Variants in STEAP3 observed in about 807,000 individuals in gnomAD.
STEAP3 encodes metalloreductase STEAP3.
In STEAP3, 35 loss-of-function variants were observed where a neutral mutation model predicts 34.9. The ratio of observed to expected loss-of-function variants is 1.00; its 90% CI spans 0.76 to 1.33. The LOEUF (loss-of-function observed/expected upper bound fraction) is 1.33, where lower values mean the gene tolerates loss of function less well. Ranked by LOEUF, STEAP3 falls within the 40% of genes most tolerant of loss-of-function variation. The pLI is 0.00. For synonymous variants in STEAP3, 281 were observed against 301.6 expected, an observed-to-expected ratio of 0.93 and a Z score of 0.71; for missense variants, 652 against 667.6, an observed-to-expected ratio of 0.98 and a Z score of 0.26.
In STEAP3 at chr2:119,263,242, A is replaced by T. The variant is rs377489086; in HGVS notation, c.1401A>T (p.Arg467Ser). The stretch of plus-strand genomic sequence containing the variant: ...TTCTCCTGCCCTGCATCAGCCGCAG[A>T]CTCGCCAGGATCCGGAGAGGCTGGG... ...ALFLLPCISR[R>S]LARIRRGWER... Residue 467 changes from arginine to serine, a missense_variant, in exon 6 of 6, where the codon AGA (arginine) becomes AGT (serine). Transcript: ENST00000393110. 25 of 1,614,018 alleles carry T rather than the reference A, an allele frequency of 1.5e-5. 1 individual carries two copies. The African/African-American group carries it at 2.4e-4, about 15-fold the overall frequency.
intron 5 of STEAP3, among the ~76,000 whole-genome samples, chr2:119,256,045 T>G (rs1283459318): frequency 6.6e-6 from 1 of 152,234 alleles, no homozygotes; most frequent in Non-Finnish European, 1.5e-5. Context: ...AGCTGACTAA[T>G]GCTGTATCCT....
intron 2 of STEAP3, among the ~76,000 whole-genome samples, chr2:119,236,450 TA>T (rs946576600): frequency 2.6e-5 from 4 of 152,186 alleles, no homozygotes; most frequent in African/African-American, 9.6e-5. Flanking sequence ...TGCAGTTTAC[TA>T]AGGTGACTGA....
At chr2:119,248,231 C>G in intron 4 of STEAP3, 25 bp downstream of exon 4, 3 of 1,547,782 alleles carry the variant, frequency 1.9e-6, no homozygotes, top group Non-Finnish European at 1.7e-6. Flanking sequence ...CCCTTCCTCC[C>G]TCTGGCAACT....
intron 3 of STEAP3, 199 bp downstream of exon 3, chr2:119,246,187 A>C: frequency 1.3e-6 from 1 of 747,064 alleles, no homozygotes; most frequent in Non-Finnish European, 2.1e-6. Context: ...GTAAGTTGGG[A>C]TTTGAACCCA....
At chr2:119,243,760 C>A (rs1677321114) in intron 2 of STEAP3, among the ~76,000 whole-genome samples, 1 of 152,234 alleles carries the variant, frequency 6.6e-6, no homozygotes, top group Non-Finnish European at 1.5e-5. Flanking sequence ...CCCAGGGAGG[C>A]ACACAGACTT....
chr2:119,250,623 G>T (rs1373138649), intron 4 of STEAP3, among the ~76,000 whole-genome samples: 1 of 152,154 alleles, frequency 6.6e-6, no homozygotes, highest in Non-Finnish European at 1.5e-5. Flanking sequence ...TCCAGCAGCA[G>T]TGGGAAAGAC....
At chr2:119,236,420 G>C (rs1468782489) in intron 2 of STEAP3, among the ~76,000 whole-genome samples, 1 of 152,120 alleles carries the variant, frequency 6.6e-6, no homozygotes, top group African/African-American at 2.4e-5. Context: ...TCCCTCTGCT[G>C]GGCCCTTGCT....
chr2:119,254,549 C>T (rs1677717866), intron 4 of STEAP3, 135 bp from the exon 5 acceptor site: 2 of 952,302 alleles, frequency 2.1e-6, no homozygotes, highest in Non-Finnish European at 3.2e-6. Flanking sequence ...CTGAGAAACG[C>T]TTATCACAGA....
intron 1 of STEAP3, among the ~76,000 whole-genome samples, chr2:119,224,113 G>T (rs1350800054): frequency 3.3e-5 from 5 of 152,344 alleles, no homozygotes; most frequent in East Asian, 3.9e-4. Flanking sequence ...CGTGGAAGCC[G>T]CTTGCGCCGC....
At position 119,263,855 on chromosome 2, in the gene STEAP3, G is replaced by A. The variant is rs935213384; in HGVS notation, c.*517G>A. ...GCCATCCCTGGAGCATGTGAGCAGC[G>A]GCTGGTCTCTTCCCTCCACCTGGGG... On this transcript the variant is annotated 3_prime_UTR_variant, in exon 6 of 6. Transcript: ENST00000393110. 9 of 191,936 alleles carry A rather than the reference G, an allele frequency of 4.7e-5. No individual in the cohort carries two copies. Among genetic ancestry groups the A allele is most frequent in the Non-Finnish European group, 6.5e-5 (6 of 91,930 alleles). 11.9% of individuals were successfully genotyped at this position (191,936 alleles called of 1,614,324 possible).
chr2:119,231,531 C>A (rs1489935375), intron 2 of STEAP3, among the ~76,000 whole-genome samples: 1 of 152,060 alleles, frequency 6.6e-6, no homozygotes, highest in African/African-American at 2.4e-5. Context: ...TGGAATGATT[C>A]GAAAATCTAG....
intron 4 of STEAP3, 146 bp from the exon 5 acceptor site, chr2:119,254,538 C>A: frequency 1.2e-6 from 1 of 842,574 alleles, no homozygotes; most frequent in East Asian, 2.6e-5. Flanking sequence ...TGAGTTAATG[C>A]CTGAGAAACG....
chr2:119,256,321 A>G (rs1236073848), intron 5 of STEAP3, among the ~76,000 whole-genome samples: 2 of 152,178 alleles, frequency 1.3e-5, no homozygotes, highest in Non-Finnish European at 2.9e-5. Flanking sequence ...CTCATGGCTG[A>G]CACATGTTAG....
rs140305439 is a variant in STEAP3, at chr2:119,245,605, G to A, written c.139G>A (p.Gly47Arg). The A allele has an allele frequency of 1.8e-5, 29 of 1,608,916 alleles. No homozygotes were observed. Among genetic ancestry groups the A allele is most frequent in the Admixed American group, 8.3e-5 (5 of 59,948 alleles). Residue 47 changes from glycine to arginine, a missense_variant, in exon 3 of 6, where the codon GGG becomes AGG. Gly to Arg is a moderately radical substitution (Grantham distance 125). Transcript: ENST00000393110. ...EAPKVGILGS[G>R]DFARSLATRL... The stretch of plus-strand genomic sequence containing the variant: ...CCCCAAAGTGGGCATCCTGGGTAGC[G>A]GGGACTTTGCCCGCTCCCTGGCCAC...
chr2:119,231,792 G>A (rs994899992), intron 2 of STEAP3, among the ~76,000 whole-genome samples: 5 of 152,082 alleles, frequency 3.3e-5, no homozygotes, highest in African/African-American at 4.8e-5. Flanking sequence ...ACAGTAAAAC[G>A]TTTGTAAGAG....
intron 1 of STEAP3, among the ~76,000 whole-genome samples, chr2:119,224,478 C>T (rs1678974974): frequency 6.6e-6 from 1 of 152,202 alleles, no homozygotes; most frequent in Non-Finnish European, 1.5e-5. Flanking sequence ...TCCTGCCCGG[C>T]AAAGCTCCCC....
chr2:119,237,601 T>C (rs1677128015), intron 2 of STEAP3, among the ~76,000 whole-genome samples: 1 of 152,226 alleles, frequency 6.6e-6, no homozygotes, highest in Non-Finnish European at 1.5e-5. Flanking sequence ...CCAACATTGG[T>C]GTTACAAAAT....
chr2:119,241,841 G>A (rs1558747477), intron 2 of STEAP3, among the ~76,000 whole-genome samples: 1 of 152,216 alleles, frequency 6.6e-6, no homozygotes, highest in South Asian at 2.1e-4. Context: ...TCAAAATCTG[G>A]ATCTTCTCGC....
At chr2:119,262,985 G>C in intron 5 of STEAP3, 72 bp from the exon 6 acceptor site, 4 of 1,568,478 alleles carry the variant, frequency 2.6e-6, no homozygotes, top group Non-Finnish European at 3.4e-6. Flanking sequence ...CAGGCCAGCA[G>C]ATGAGTCGTT....
Sources: allele counts gnomAD v4.1 joint callset (sites outside exome capture counted in the v4.1 genomes callset), GRCh38; gene constraint gnomAD v4.1.1; transcripts MANE v1.5; gene names NCBI Gene and HGNC (gene_info 2026-07-23, HGNC 2026-07-21).